The following HPSE2 variants were observed in gnomAD, a reference collection of about 807,000 sequenced individuals.
HPSE2 encodes the protein heparanase 2 (inactive), also known as inactive heparanase-2.
A neutral mutation model predicts 60.5 loss-of-function variants in HPSE2; 38 were observed. The observed-to-expected ratio is 0.63, with a 90% confidence interval of 0.48 to 0.82. The LOEUF (loss-of-function observed/expected upper bound fraction) is 0.82, where lower values mean the gene tolerates loss of function less well. Ranked by LOEUF, HPSE2 falls within the 40% of genes least tolerant of loss-of-function variation. HPSE2 has a pLI of 0.00. For synonymous variants in HPSE2, 295 were observed against 293.2 expected, an observed-to-expected ratio of 1.01 and a Z score of -0.06; for missense variants, 713 against 740.4, an observed-to-expected ratio of 0.96 and a Z score of 0.43.
the HPSE2 span, among the ~76,000 whole-genome samples, chr10:99,310,153 T>C: frequency 3.3e-5 from 5 of 152,228 alleles, no homozygotes; most frequent in Admixed American, 6.5e-5. Context: ...ACGCTTATGA[T>C]AGCATTTAGG....
intron 3 of HPSE2, among the ~76,000 whole-genome samples, chr10:99,005,914 A>G (rs1224807742): frequency 1.3e-5 from 2 of 152,126 alleles, no homozygotes; most frequent in Non-Finnish European, 2.9e-5. Context: ...TTGGACATGT[A>G]GCCTCGTAAC....
chr10:98,482,949 C>T (rs1314138846), intron 10 of HPSE2, among the ~76,000 whole-genome samples, 167 bp from the exon 11 acceptor site: 1 of 152,104 alleles, frequency 6.6e-6, no homozygotes, highest in South Asian at 2.1e-4. Flanking sequence ...ATTGTGGTTT[C>T]TTGCAAAGAT....
intron 3 of HPSE2, among the ~76,000 whole-genome samples, chr10:99,136,308 G>T (rs1035584942): frequency 2.0e-5 from 3 of 152,044 alleles, no homozygotes; most frequent in African/African-American, 7.2e-5. Flanking sequence ...TTCTACCAGA[G>T]GTACAAAGAG....
At chr10:99,043,519 A>G (rs548119025) in intron 3 of HPSE2, among the ~76,000 whole-genome samples, 5 of 152,160 alleles carry the variant, frequency 3.3e-5, no homozygotes, top group Admixed American at 6.5e-5. Context: ...ACAAACAAAA[A>G]CAGTTGGATG....
At chr10:98,638,819 C>G (rs1324610704) in intron 7 of HPSE2, among the ~76,000 whole-genome samples, 1 of 152,130 alleles carries the variant, frequency 6.6e-6, no homozygotes, top group Non-Finnish European at 1.5e-5. Context: ...CCAGCAACAC[C>G]TCTAGCGTAT....
chr10:98,773,232 A>C (rs1356838508), intron 3 of HPSE2, among the ~76,000 whole-genome samples: 3 of 152,174 alleles, frequency 2.0e-5, no homozygotes, highest in Non-Finnish European at 2.9e-5. Context: ...ATATTCTCCT[A>C]TAATTTTTTA....
intron 3 of HPSE2, among the ~76,000 whole-genome samples, chr10:98,990,490 C>A (rs1338261317): frequency 6.6e-6 from 1 of 152,198 alleles, no homozygotes; most frequent in Non-Finnish European, 1.5e-5. Context: ...AAAGATGAAG[C>A]TTCGCTCGCT....
intron 3 of HPSE2, among the ~76,000 whole-genome samples, chr10:99,033,399 G>A (rs752403752): frequency 6.6e-6 from 1 of 152,054 alleles, no homozygotes; most frequent in Non-Finnish European, 1.5e-5. Flanking sequence ...TGGCAAATAA[G>A]CATATGACAT....
chr10:98,663,337 T>C (rs1046461638), intron 6 of HPSE2, among the ~76,000 whole-genome samples: 1 of 151,976 alleles, frequency 6.6e-6, no homozygotes, highest in African/African-American at 2.4e-5. Flanking sequence ...ACTTATATTC[T>C]AGAAGGGTGA....
chr10:98,707,923 T>C (rs982133730), intron 5 of HPSE2, among the ~76,000 whole-genome samples: 2 of 152,146 alleles, frequency 1.3e-5, no homozygotes, highest in African/African-American at 4.8e-5. Context: ...TATATTATCA[T>C]GAAATTTGTA....
At chr10:99,233,591 C>T (rs557061505) in intron 1 of HPSE2, among the ~76,000 whole-genome samples, 1 of 152,258 alleles carries the variant, frequency 6.6e-6, no homozygotes, top group East Asian at 1.9e-4. Flanking sequence ...TTTTTTAACG[C>T]TTTACTGTTT....
intron 9 of HPSE2, among the ~76,000 whole-genome samples, chr10:98,607,723 A>C (rs1291340875): frequency 6.6e-6 from 1 of 152,210 alleles, no homozygotes; most frequent in Non-Finnish European, 1.5e-5. Context: ...TTTACCAAAA[A>C]ATCTACTTTT....
chr10:98,695,276 A>G (rs960468559), intron 5 of HPSE2, among the ~76,000 whole-genome samples: 17 of 152,068 alleles, frequency 1.1e-4, no homozygotes, highest in African/African-American at 4.1e-4. Flanking sequence ...GGAGGAGGAG[A>G]AGGAGGACGA....
intron 3 of HPSE2, among the ~76,000 whole-genome samples, chr10:98,775,480 C>G: frequency 6.6e-6 from 1 of 152,168 alleles, no homozygotes; most frequent in East Asian, 1.9e-4. Flanking sequence ...CAAATGCAAT[C>G]TGTGATGAAG....
At chr10:98,600,911 G>GTATATATGTGTGTGTGTGTGTA (rs576143051) in intron 9 of HPSE2, among the ~76,000 whole-genome samples, 4 of 73,722 alleles carry the variant, frequency 5.4e-5, no homozygotes, top group African/African-American at 1.5e-4. Flanking sequence ...ATGTGTGTGT[G>GTATATATGTGTGTGTGTGTGTA]TATATATATA....
chr10:98,650,763 A>G (rs983605398), intron 6 of HPSE2, among the ~76,000 whole-genome samples: 6 of 152,224 alleles, frequency 3.9e-5, no homozygotes, highest in African/African-American at 1.4e-4. Context: ...GTCACATATC[A>G]GTAGGAGGCA....
At chr10:98,832,098 C>T (rs1479007434) in intron 3 of HPSE2, among the ~76,000 whole-genome samples, 1 of 152,294 alleles carries the variant, frequency 6.6e-6, no homozygotes, top group African/African-American at 2.4e-5. Flanking sequence ...GGAAGACAAT[C>T]CTCAGTGAGG....
the HPSE2 span, among the ~76,000 whole-genome samples, chr10:99,286,525 G>A: frequency 1.3e-5 from 2 of 152,124 alleles, no homozygotes; most frequent in African/African-American, 2.4e-5. Context: ...TGGTCACCAG[G>A]GGCTGGGGAA....
At chr10:98,523,347 G>A (rs901868805) in intron 9 of HPSE2, among the ~76,000 whole-genome samples, 8 of 152,102 alleles carry the variant, frequency 5.3e-5, no homozygotes, top group Admixed American at 1.3e-4. Flanking sequence ...TTTAGCTATG[G>A]GGTTCTACAG....
Sources: gnomAD v4.1 joint callset for allele counts (sites outside exome capture counted in the v4.1 genomes callset) on GRCh38, gnomAD v4.1.1 for gene constraint, MANE v1.5 for transcripts, NCBI Gene and HGNC (gene_info 2026-07-23, HGNC 2026-07-21) for gene names.